The following CPEB3 variants were observed in gnomAD, a reference collection of about 807,000 sequenced individuals.
CPEB3 encodes cytoplasmic polyadenylation element-binding protein 3.
CPEB3 carries 20 observed loss-of-function variants against 67.2 expected under a neutral mutation model. The ratio of observed to expected loss-of-function variants is 0.30; its 90% CI spans 0.21 to 0.43. The LOEUF (loss-of-function observed/expected upper bound fraction) is 0.43, where lower values mean the gene tolerates loss of function less well. CPEB3 is among the 20% of genes least tolerant of loss of function. The probability of loss-of-function intolerance (pLI) is 1.00; values close to 1 mark genes in which losing one functional copy is unlikely to be tolerated. For missense variants in CPEB3, 746 were observed against 968.6 expected, an observed-to-expected ratio of 0.77 and a Z score of 3.05; for synonymous variants, 376 against 393.1, an observed-to-expected ratio of 0.96 and a Z score of 0.51.
intron 2 of CPEB3, among the ~76,000 whole-genome samples, chr10:92,199,361 A>T (rs1170333522): frequency 6.8e-6 from 1 of 146,274 alleles, no homozygotes; most frequent in African/African-American, 2.5e-5. Context: ...ATTGCACTCC[A>T]GCCTGGGCAA....
intron 9 of CPEB3, among the ~76,000 whole-genome samples, chr10:92,066,388 T>C (rs1035737844): frequency 2.2e-4 from 33 of 151,940 alleles, no homozygotes; most frequent in African/African-American, 8.0e-4. Context: ...TCTCCAAAAA[T>C]AAATAGATAG....
intron 1 of CPEB3, among the ~76,000 whole-genome samples, chr10:92,276,038 T>G (rs1277106200): frequency 6.6e-6 from 1 of 151,004 alleles, no homozygotes. Context: ...TTAGTAGAGA[T>G]GGGGTTTCAC....
intron 1 of CPEB3, among the ~76,000 whole-genome samples, chr10:92,246,964 A>AG (rs1852098164): frequency 6.6e-6 from 1 of 152,162 alleles, no homozygotes; most frequent in Admixed American, 6.5e-5. Context: ...TTTGGCTCTA[A>AG]CCCTTGTTAA....
intron 7 of CPEB3, among the ~76,000 whole-genome samples, chr10:92,108,917 C>T: frequency 6.6e-6 from 1 of 152,166 alleles, no homozygotes; most frequent in East Asian, 1.9e-4. Context: ...CTGCTCACTC[C>T]CTGCTCAAGA....
chr10:92,128,576 A>G (rs947204286), intron 6 of CPEB3, among the ~76,000 whole-genome samples: 1 of 152,244 alleles, frequency 6.6e-6, no homozygotes, highest in African/African-American at 2.4e-5. Context: ...ACAGAGTGAG[A>G]GAAAATTTTT....
chr10:92,286,953 T>A (rs1048718545), intron 1 of CPEB3, among the ~76,000 whole-genome samples: 3 of 152,210 alleles, frequency 2.0e-5, no homozygotes, highest in Non-Finnish European at 4.4e-5. Context: ...TGTGCGCCTA[T>A]AATCCCAACT....
intron 6 of CPEB3, among the ~76,000 whole-genome samples, chr10:92,118,225 G>A (rs925211717): frequency 6.6e-6 from 1 of 152,092 alleles, no homozygotes; most frequent in Admixed American, 6.6e-5. Context: ...TCTGCCTCCG[G>A]GGTTCAGGTG....
intron 1 of CPEB3, among the ~76,000 whole-genome samples, chr10:92,257,727 TC>T (rs1240067069): frequency 2.3e-5 from 3 of 132,900 alleles, no homozygotes; most frequent in Non-Finnish European, 4.8e-5. Flanking sequence ...GGACCTCAAC[TC>T]TTTTTTTTTT....
intron 8 of CPEB3, among the ~76,000 whole-genome samples, chr10:92,087,069 G>A (rs1283186725): frequency 1.3e-5 from 2 of 152,170 alleles, no homozygotes; most frequent in Non-Finnish European, 2.9e-5. Context: ...ATAAAGGATA[G>A]GGTTATAATA....
chr10:92,172,271 T>C (rs1474689044), intron 4 of CPEB3, among the ~76,000 whole-genome samples: 2 of 152,180 alleles, frequency 1.3e-5, no homozygotes, highest in Non-Finnish European at 2.9e-5. Flanking sequence ...GTTTCTACTA[T>C]ATTCAGCTGA....
chr10:92,279,496 CAT>C (rs1842160468), intron 1 of CPEB3, among the ~76,000 whole-genome samples: 1 of 152,112 alleles, frequency 6.6e-6, no homozygotes, highest in Non-Finnish European at 1.5e-5. Context: ...AGTACTCCAG[CAT>C]ATGTCTATTT....
intron 6 of CPEB3, among the ~76,000 whole-genome samples, chr10:92,112,837 G>A (rs543365430): frequency 6.6e-6 from 1 of 152,228 alleles, no homozygotes; most frequent in Non-Finnish European, 1.5e-5. Flanking sequence ...CATATCAGAA[G>A]AATGTAAATG....
At chr10:92,081,287 C>T (rs1194344746) in intron 9 of CPEB3, 33 bp downstream of exon 9, 1 of 1,612,474 alleles carries the variant, frequency 6.2e-7, no homozygotes, top group Non-Finnish European at 8.5e-7. Context: ...TCTTTTCTCT[C>T]CCATAGCAGT....
chr10:92,161,507 A>G (rs1847477899), intron 4 of CPEB3, among the ~76,000 whole-genome samples: 1 of 151,242 alleles, frequency 6.6e-6, no homozygotes, highest in Admixed American at 6.6e-5. Flanking sequence ...TCCTGACCTC[A>G]GGTGATCCAC....
intron 2 of CPEB3, among the ~76,000 whole-genome samples, chr10:92,201,299 G>A (rs1011035156): frequency 2.6e-5 from 4 of 152,196 alleles, no homozygotes; most frequent in African/African-American, 4.8e-5. Context: ...AGGCCGAGGC[G>A]GGCGGATCAC....
chr10:92,154,136 C>T (rs1034802722), intron 4 of CPEB3, among the ~76,000 whole-genome samples: 41 of 152,176 alleles, frequency 2.7e-4, no homozygotes, highest in South Asian at 2.1e-4. Flanking sequence ...AATGTGTAGG[C>T]AAAAGTCTTA....
intron 9 of CPEB3, among the ~76,000 whole-genome samples, chr10:92,073,359 A>C (rs1431838867): frequency 6.6e-6 from 1 of 151,926 alleles, no homozygotes; most frequent in Non-Finnish European, 1.5e-5. Context: ...CATTTACAAC[A>C]AAATGTTTCA....
At chr10:92,277,765 C>T (rs918368669) in intron 1 of CPEB3, among the ~76,000 whole-genome samples, 8 of 151,940 alleles carry the variant, frequency 5.3e-5, no homozygotes, top group African/African-American at 1.9e-4. Flanking sequence ...GTGGCAGGTG[C>T]ATGTAGTCCC....
chr10:92,057,920 G>C lies in CPEB3; in HGVS notation c.1870-5481C>G, dbSNP rs564720853. Reference sequence around the variant, plus strand: ...TGACCCCTAAAGCAGAAACAGCTTAGAATACAACACCCAAGTCCTTTCACA... The same window carrying C: ...TGACCCCTAAAGCAGAAACAGCTTACAATACAACACCCAAGTCCTTTCACA... On this transcript the variant is annotated intron_variant, in intron 9 of 9. Coordinates refer to ENST00000265997, the MANE Select transcript of CPEB3 (RefSeq NM_014912.5). 2.0e-5 allele frequency among the ~76,000 whole-genome samples: 3 copies of C among 152,294 alleles called. No homozygotes were observed. In the South Asian group the frequency reaches 6.2e-4, roughly 32 times the overall value.
Sources: gnomAD v4.1 joint callset for allele counts (sites outside exome capture counted in the v4.1 genomes callset) on GRCh38, gnomAD v4.1.1 for gene constraint, MANE v1.5 for transcripts, NCBI Gene and HGNC (gene_info 2026-07-23, HGNC 2026-07-21) for gene names.